ADAMTSL2: variants seen among roughly 807,000 people sequenced by gnomAD.
ADAMTSL2 encodes ADAMTS-like protein 2.
Under a neutral mutation model 117.0 loss-of-function variants are expected in ADAMTSL2, and 55 were observed. The observed-to-expected ratio is 0.47, with a 90% CI of 0.38 to 0.59. The LOEUF is 0.59. ADAMTSL2 is among the 20% of genes least tolerant of loss of function. The pLI is 0.00. For missense variants in ADAMTSL2, 1,182 were observed against 1,354.5 expected (o/e 0.87, Z 2.00); for synonymous variants, 572 against 566.4 (o/e 1.01, Z -0.14).
chr9:133,559,343 C>A (rs1470505917), intron 11 of ADAMTSL2, among the ~76,000 whole-genome samples: 1 of 148,964 alleles, frequency 6.7e-6, no homozygotes, highest in African/African-American at 2.5e-5. Flanking sequence ...AACCCCCCAC[C>A]CACCCCCATT....
chr9:133,572,189 A>T (rs1006603233), intron 17 of ADAMTSL2, among the ~76,000 whole-genome samples: 1 of 14,100 alleles, frequency 7.1e-5, no homozygotes, highest in Non-Finnish European at 1.8e-4. Context: ...CCCACCCCCC[A>T]CCCCGCCCCA....
chr9:133,565,701 GC>G (rs1259445022), intron 12 of ADAMTSL2, among the ~76,000 whole-genome samples: 1 of 152,230 alleles, frequency 6.6e-6, no homozygotes, highest in African/African-American at 2.4e-5. Context: ...GGAGCCGCTG[GC>G]CTGCAGACAC....
chr9:133,567,069 G>T lies in ADAMTSL2; in HGVS notation c.1874+7G>T. 1 of 1,603,736 alleles carries T rather than the reference G, an allele frequency of 6.2e-7. No individual in the cohort carries two copies. The highest frequency in any genetic ancestry group is 8.5e-7 in the Non-Finnish European group (1 of 1,178,914). On this transcript the variant is annotated splice_region_variant and intron_variant, in intron 13 of 18. Coordinates refer to ENST00000651351, the MANE Select transcript of ADAMTSL2 (RefSeq NM_014694.4). ...GGAGGGAGTGCCAGCCCAGGTACCT[G>T]CCACCAGGGGCCCTGGGCAGGGGGT...
chr9:133,563,528 G>A (rs975511251), intron 12 of ADAMTSL2, among the ~76,000 whole-genome samples: 7 of 152,134 alleles, frequency 4.6e-5, no homozygotes, highest in Non-Finnish European at 8.8e-5. Context: ...GACGTCGCTC[G>A]AGACGTCTGC....
At chr9:133,569,251 T>C (rs1462495272) in intron 15 of ADAMTSL2, among the ~76,000 whole-genome samples, 157 bp from the exon 16 acceptor site, 1 of 152,188 alleles carries the variant, frequency 6.6e-6, no homozygotes, top group Non-Finnish European at 1.5e-5. Flanking sequence ...ATTATTTCTG[T>C]AATTAGAATA....
upstream of ADAMTSL2, chr9:133,534,514 C>A (rs536783042): frequency 3.7e-6 from 2 of 544,996 alleles, no homozygotes; most frequent in African/African-American, 3.9e-5. Context: ...GCTCGCCGCT[C>A]CTGGGCCGCC....
At chr9:133,547,917 G>A (rs969358505) in intron 9 of ADAMTSL2, among the ~76,000 whole-genome samples, 2 of 152,348 alleles carry the variant, frequency 1.3e-5, no homozygotes, top group East Asian at 1.9e-4. Context: ...TATGGCTAGC[G>A]TCTGGAAATG....
At chr9:133,533,458 T>G (rs529202799), upstream of ADAMTSL2, among the ~76,000 whole-genome samples, 13 of 152,318 alleles carry the variant, frequency 8.5e-5, no homozygotes, top group African/African-American at 2.9e-4. Flanking sequence ...ATCCCAGCCT[T>G]GCCTACTGGA....
At position 133,552,208 on chromosome 9, in the gene ADAMTSL2, C is replaced by T. The variant is rs911307900; in HGVS notation, c.940-2149C>T. 2.1e-4 allele frequency among the ~76,000 whole-genome samples: 32 copies of T among 152,326 alleles called. 1 individual carries two copies. The highest frequency in any genetic ancestry group is 6.8e-3 in the Middle Eastern group (2 of 294). On this transcript the variant is annotated intron_variant, in intron 9 of 18. Transcript: ENST00000651351. ...GGAATATGCTGGCTCCAGAATTACT[C>T]TTCGTGGTGGAGGGTATGAGATGCT...
At chr9:133,561,404 C>T (rs1481777472) in intron 12 of ADAMTSL2, 109 bp downstream of exon 12, 27 of 1,026,838 alleles carry the variant, frequency 2.6e-5, no homozygotes, top group African/African-American at 9.5e-5. Context: ...AAACTGCCCT[C>T]GGGGTGCTTG....
At chr9:133,545,761 C>A (rs1588285018) in intron 8 of ADAMTSL2, among the ~76,000 whole-genome samples, 1 of 152,154 alleles carries the variant, frequency 6.6e-6, no homozygotes, top group African/African-American at 2.4e-5. Context: ...GGGAAAGCCG[C>A]AGGAAGGAAG....
intron 17 of ADAMTSL2, among the ~76,000 whole-genome samples, chr9:133,572,897 C>A (rs1357326127): frequency 1.3e-5 from 2 of 152,194 alleles, no homozygotes; most frequent in African/African-American, 4.8e-5. Flanking sequence ...CGGGAATGTG[C>A]TGCTCTCCAG....
chr9:133,538,374 A>G lies in ADAMTSL2; in HGVS notation c.259A>G (p.Asn87Asp). 1.9e-6 allele frequency: 3 copies of G among 1,613,354 alleles called. No individual in the cohort carries two copies. Among genetic ancestry groups the G allele is most frequent in the Non-Finnish European group, 2.5e-6 (3 of 1,180,030 alleles). ...GAGGAAGTCCGTCCCGGGCCCCGGG[A>G]ACAGGACCTGCACGGGCACGTCCAA... ...QRRKSVPGPGNRTCTGTSKRY... is the reference protein window; with the variant it reads ...QRRKSVPGPGDRTCTGTSKRY... The change falls in exon 4 of 19, where the codon AAC (asparagine) becomes GAC (aspartate). Residue 87 changes from asparagine (N) to aspartate (D), a missense_variant. By Grantham distance (23) the Asn-to-Asp change is conservative (BLOSUM62 1). Transcript: ENST00000651351.
In ADAMTSL2 at chr9:133,570,350, G is replaced by T; in HGVS notation, c.2435G>T (p.Arg812Leu). The T allele has an allele frequency of 6.5e-7, 1 of 1,548,288 alleles. No homozygotes were observed. ...CCTCAGTGCAACACCACCTGCGGGCGCGGGGTCAAGAAGCGGCTGGTGCTC... is the reference window on the plus strand; with the variant it reads ...CCTCAGTGCAACACCACCTGCGGGCTCGGGGTCAAGAAGCGGCTGGTGCTC... ...DWERCNTTCG[R>L]GVKKRLVLCM... The change falls in exon 17 of 19, where the codon CGC becomes CTC. Residue 812 changes from arginine to leucine, a missense_variant. This residue lies in a region of ADAMTSL2 where 465 missense variants were observed against 565.3 expected (regional missense o/e 0.82). Coordinates refer to ENST00000651351, the MANE Select transcript of ADAMTSL2 (RefSeq NM_014694.4).
chr9:133,561,400 C>T, intron 12 of ADAMTSL2, 105 bp downstream of exon 12: 1 of 1,062,636 alleles, frequency 9.4e-7, no homozygotes, highest in East Asian at 2.6e-5. Context: ...CCCCAAACTG[C>T]CCTCGGGGTG....
At chr9:133,538,505 CCTGGGCATT>C (rs1439063915) in intron 4 of ADAMTSL2, 81 bp downstream of exon 4, 9 of 1,520,588 alleles carry the variant, frequency 5.9e-6, no homozygotes, top group Non-Finnish European at 8.2e-6. Flanking sequence ...CCAGGTGGCT[CCTGGGCATT>C]CTGGGCATTC....
chr9:133,566,846 G>A (rs1830985074), intron 12 of ADAMTSL2, 90 bp from the exon 13 acceptor site: 3 of 1,517,388 alleles, frequency 2.0e-6, no homozygotes, highest in South Asian at 1.2e-5. Flanking sequence ...GAGCTGAGAG[G>A]TCAGGTGACT....
rs770758713 is a variant in ADAMTSL2, at chr9:133,536,789, C to T, written c.77C>T (p.Ser26Leu). ...GCAGTTGTAGCTGGGGACACAGTGT[C>T]AACCGGGTCCACGGTGAGTGGGGTG... ...VLAVVAGDTV[S>L]TGSTDNSPTS... The change falls in exon 2 of 19, where the codon TCA becomes TTA. Residue 26 changes from serine (S) to leucine (L), a missense_variant. By Grantham distance (145) the Ser-to-Leu change is moderately radical. This residue lies in a region of ADAMTSL2 where 372 missense variants were observed against 463.4 expected (regional missense o/e 0.80). Transcript: ENST00000651351. 1 of 1,614,212 alleles carries T rather than the reference C, an allele frequency of 6.2e-7. No individual in the cohort carries two copies. The highest frequency in any genetic ancestry group is 8.5e-7 in the Non-Finnish European group (1 of 1,180,046).
At chr9:133,570,551 C>T in intron 17 of ADAMTSL2, 44 bp downstream of exon 17, 1 of 1,574,036 alleles carries the variant, frequency 6.4e-7, no homozygotes. Context: ...GAGGCCAGAC[C>T]TGAATGTCGA....
Sources: gnomAD v4.1 joint callset for allele counts (sites outside exome capture counted in the v4.1 genomes callset) on GRCh38, gnomAD v4.1.1 for gene constraint, gnomAD v4.1.1 regional missense constraint, MANE v1.5 for transcripts, NCBI Gene and HGNC (gene_info 2026-07-23, HGNC 2026-07-21) for gene names.